The following STAU1 variants were observed in gnomAD, a reference collection of about 807,000 sequenced individuals.
The protein encoded by STAU1 is staufen double-stranded RNA binding protein 1.
Under a neutral mutation model 62.9 loss-of-function variants are expected in STAU1, and 13 were observed. That is an observed-to-expected ratio of 0.21 (90% CI 0.13 to 0.33). The LOEUF (loss-of-function observed/expected upper bound fraction) is 0.33, where lower values mean the gene tolerates loss of function less well. Among genes scored for constraint, STAU1 ranks in the 10% least tolerant of loss-of-function variants. The pLI, the probability that STAU1 is intolerant of heterozygous loss-of-function variation, is 1.00. For synonymous variants in STAU1, 269 were observed against 265.1 expected (o/e 1.01, Z -0.14); for missense variants, 571 against 712.1 (o/e 0.80, Z 2.25).
At chr20:49,140,430 G>A (rs1379784406) in intron 5 of STAU1, among the ~76,000 whole-genome samples, 2 of 151,982 alleles carry the variant, frequency 1.3e-5, no homozygotes. Flanking sequence ...CAGATGACTG[G>A]AAAAACAAAT....
At chr20:49,178,284 T>C (rs764907103) in intron 1 of STAU1, among the ~76,000 whole-genome samples, 2 of 152,132 alleles carry the variant, frequency 1.3e-5, no homozygotes, top group Non-Finnish European at 2.9e-5. Flanking sequence ...TATATCTATA[T>C]AGTGCACACT....
chr20:49,143,590 T>C (rs2093056379), intron 5 of STAU1, among the ~76,000 whole-genome samples: 1 of 152,044 alleles, frequency 6.6e-6, no homozygotes, highest in African/African-American at 2.4e-5. Flanking sequence ...AAGACCCTAT[T>C]TCAAAACAAA....
chr20:49,127,291 T>C (rs1600644291), intron 6 of STAU1, among the ~76,000 whole-genome samples: 1 of 152,072 alleles, frequency 6.6e-6, no homozygotes, highest in East Asian at 1.9e-4. Flanking sequence ...GAGACGGAGG[T>C]TGCAGTGAGC....
the STAU1 span, among the ~76,000 whole-genome samples, chr20:49,197,109 C>T: frequency 6.6e-6 from 1 of 150,982 alleles, no homozygotes; most frequent in Non-Finnish European, 1.5e-5. Context: ...GAGCCGAGAT[C>T]GCACCACTGC....
intron 1 of STAU1, among the ~76,000 whole-genome samples, chr20:49,183,893 C>T (rs2093755878): frequency 1.3e-5 from 2 of 151,160 alleles, no homozygotes; most frequent in Admixed American, 6.6e-5. Context: ...CCAAACACTT[C>T]GAATATTAAA....
At chr20:49,213,018 A>G in the STAU1 span, among the ~76,000 whole-genome samples, 1 of 151,706 alleles carries the variant, frequency 6.6e-6, no homozygotes, top group East Asian at 1.9e-4. Flanking sequence ...TTATTTATTT[A>G]TTTTTGAGAC....
intron 6 of STAU1, 48 bp downstream of exon 6, chr20:49,135,785 G>T: frequency 1.4e-6 from 2 of 1,419,550 alleles, no homozygotes; most frequent in Non-Finnish European, 2.0e-6. Context: ...TATGATGAAT[G>T]CTAACAGGAT....
In STAU1 at chr20:49,124,418, C is replaced by T. The variant is rs771418651; in HGVS notation, c.779G>A (p.Arg260Gln). ...KKLPPLPAVE[R>Q]VKPRIKKKTK... ...TTTCTTTTTGATTCTAGGCTTTACT[C>T]GTTCAACTGCAGGCAGGGGCGGTAA... The change falls in exon 7 of 14, where the codon CGA becomes CAA. Residue 260 changes from arginine to glutamine, a missense_variant. Arg to Gln is a conservative substitution (Grantham distance 43). Around this residue, in one of 3 missense-constraint regions of STAU1, gnomAD observed 414 missense variants for 499.6 expected, o/e 0.83. Coordinates refer to ENST00000371856, the MANE Select transcript of STAU1 (RefSeq NM_017453.4). The T allele has an allele frequency of 6.8e-6, 11 of 1,614,080 alleles. No individual in the cohort carries two copies. The highest frequency in any genetic ancestry group is 6.7e-5 in the Admixed American group (4 of 59,998).
chr20:49,113,729 C>T lies in STAU1; in HGVS notation c.*1149G>A, dbSNP rs2145782461. 1 of 152,672 alleles carries T rather than the reference C, an allele frequency of 6.5e-6. No homozygotes were observed. The highest frequency in any genetic ancestry group is 1.9e-4 in the East Asian group (1 of 5,186). The allele number at this position is 152,672 out of a possible 1,614,324, so 9.5% of individuals were successfully genotyped here. A position where few individuals can be genotyped will look rare whatever the true frequency, so the allele number is the denominator to read the frequency against. ...AAAGCAACACAGCTGTATACAGAAA[C>T]GTAGGTCATTCTTTTCAGCCCTAAT... On this transcript the variant is annotated 3_prime_UTR_variant, in exon 14 of 14. Coordinates refer to ENST00000371856, the MANE Select transcript of STAU1 (RefSeq NM_017453.4).
At chr20:49,134,433 G>T in intron 6 of STAU1, 1 of 262,456 alleles carries the variant, frequency 3.8e-6, no homozygotes, top group South Asian at 3.3e-5. Context: ...CTCATCTCAG[G>T]GAAAAAAAAA....
the STAU1 span, among the ~76,000 whole-genome samples, chr20:49,200,877 A>G: frequency 1.3e-5 from 2 of 151,080 alleles, no homozygotes; most frequent in Admixed American, 1.3e-4. Context: ...TCTACCAAAA[A>G]AACCCACAAA....
chr20:49,162,055 C>G (rs1191713794), intron 3 of STAU1, among the ~76,000 whole-genome samples: 1 of 152,170 alleles, frequency 6.6e-6, no homozygotes, highest in East Asian at 1.9e-4. Flanking sequence ...TGTACCCCGC[C>G]CATTATTTCG....
chr20:49,174,760 A>G (rs2093638268), intron 1 of STAU1, among the ~76,000 whole-genome samples: 1 of 152,048 alleles, frequency 6.6e-6, no homozygotes, highest in South Asian at 2.1e-4. Flanking sequence ...ACACGGTGAA[A>G]CTCCGTCTCT....
chr20:49,187,239 T>C (rs1234847950), intron 1 of STAU1, among the ~76,000 whole-genome samples: 4 of 152,080 alleles, frequency 2.6e-5, no homozygotes, highest in African/African-American at 4.8e-5. Context: ...AATGGACAGG[T>C]TGCTCATCCT....
At chr20:49,119,711 T>G (rs562692302) in intron 9 of STAU1, among the ~76,000 whole-genome samples, 1 of 152,058 alleles carries the variant, frequency 6.6e-6, no homozygotes, top group African/African-American at 2.4e-5. Context: ...ATCCTACAAA[T>G]AGAGAGGAGC....
intron 1 of STAU1, among the ~76,000 whole-genome samples, chr20:49,178,577 T>C (rs1267860424): frequency 6.6e-6 from 1 of 151,458 alleles, no homozygotes; most frequent in Non-Finnish European, 1.5e-5. Context: ...GGTGAAACAC[T>C]GTCTCTACTA....
At chr20:49,184,146 G>C (rs1417716709) in intron 1 of STAU1, among the ~76,000 whole-genome samples, 1 of 152,014 alleles carries the variant, frequency 6.6e-6, no homozygotes, top group Admixed American at 6.6e-5. Flanking sequence ...GGCCAGGCTG[G>C]TCTCCAACTC....
the STAU1 span, among the ~76,000 whole-genome samples, chr20:49,219,050 C>G: frequency 1.4e-5 from 2 of 145,776 alleles, no homozygotes; most frequent in Non-Finnish European, 3.0e-5. Flanking sequence ...CAAAAAATTA[C>G]TTAGAATTTT....
At chr20:49,195,905 A>AAAAAAAAAAAAAAAG in the STAU1 span, among the ~76,000 whole-genome samples, 11 of 95,404 alleles carry the variant, frequency 1.2e-4, no homozygotes, top group Non-Finnish European at 1.9e-4. Context: ...TCTCAAAAAA[A>AAAAAAAAAAAAAAAG]AAAAAAAAAA....
Sources: gnomAD v4.1 joint callset for allele counts (sites outside exome capture counted in the v4.1 genomes callset) on GRCh38, gnomAD v4.1.1 for gene constraint, gnomAD v4.1.1 regional missense constraint, MANE v1.5 for transcripts, NCBI Gene and HGNC (gene_info 2026-07-23, HGNC 2026-07-21) for gene names.